The following CNTN5 variants were observed in gnomAD, a reference collection of about 807,000 sequenced individuals.
CNTN5 encodes the protein contactin-5.
A neutral mutation model predicts 129.1 loss-of-function variants in CNTN5; 77 were observed. The ratio of observed to expected loss-of-function variants is 0.60; its 90% CI spans 0.50 to 0.72. The LOEUF is 0.72. Among genes scored for constraint, CNTN5 ranks in the 30% least tolerant of loss-of-function variants. The pLI, the probability that CNTN5 is intolerant of heterozygous loss-of-function variation, is 0.00. For missense variants in CNTN5, 1,478 were observed against 1,328.8 expected (o/e 1.11, Z -1.75); for synonymous variants, 509 against 465.6 (o/e 1.09, Z -1.20).
At chr11:99,108,055 T>C (rs979354065) in intron 1 of CNTN5, among the ~76,000 whole-genome samples, 5 of 152,096 alleles carry the variant, frequency 3.3e-5, no homozygotes, top group African/African-American at 1.2e-4. Flanking sequence ...GTATTCCTTT[T>C]TAGTAAGCTT....
At chr11:99,285,800 G>T (rs1214730324) in intron 1 of CNTN5, among the ~76,000 whole-genome samples, 1 of 152,022 alleles carries the variant, frequency 6.6e-6, no homozygotes, top group Non-Finnish European at 1.5e-5. Context: ...CACTTTGGGA[G>T]GCCAATGCAG....
chr11:100,102,617 TAAAA>T (rs1384176264), intron 13 of CNTN5, among the ~76,000 whole-genome samples: 1 of 151,970 alleles, frequency 6.6e-6, no homozygotes, highest in East Asian at 1.9e-4. Context: ...CAAAAACTGA[TAAAA>T]GAATAATTTA....
chr11:99,089,074 ATAT>A (rs1183921000), intron 1 of CNTN5, among the ~76,000 whole-genome samples: 2 of 152,160 alleles, frequency 1.3e-5, no homozygotes, highest in African/African-American at 4.8e-5. Flanking sequence ...TAAACTGATA[ATAT>A]TAGTGTATAA....
chr11:99,459,246 T>C (rs1944602711), intron 2 of CNTN5, among the ~76,000 whole-genome samples: 1 of 151,928 alleles, frequency 6.6e-6, no homozygotes, highest in South Asian at 2.1e-4. Context: ...TTGAGGACTA[T>C]GAAGGACATA....
chr11:99,247,172 A>G (rs1001011534), intron 1 of CNTN5, among the ~76,000 whole-genome samples: 17 of 152,268 alleles, frequency 1.1e-4, no homozygotes, highest in African/African-American at 3.8e-4. Flanking sequence ...AGCATTGACT[A>G]TTACAATGAA....
At chr11:99,916,204 C>T in intron 7 of CNTN5, 55 bp downstream of exon 7, 1 of 1,394,122 alleles carries the variant, frequency 7.2e-7, no homozygotes, top group Non-Finnish European at 1.0e-6. Flanking sequence ...GCTATGTGTT[C>T]ATTCTTTTAG....
At chr11:99,625,885 A>G (rs1466129238) in intron 3 of CNTN5, among the ~76,000 whole-genome samples, 2 of 149,664 alleles carry the variant, frequency 1.3e-5, no homozygotes, top group Non-Finnish European at 1.5e-5. Context: ...TCATGAGCTC[A>G]TGATAAGGGC....
At chr11:100,236,534 C>T (rs1949617170) in intron 16 of CNTN5, among the ~76,000 whole-genome samples, 1 of 152,120 alleles carries the variant, frequency 6.6e-6, no homozygotes, top group South Asian at 2.1e-4. Context: ...TGGGGCATTC[C>T]TGCTTCACAT....
At chr11:99,180,901 C>A (rs1858022163) in intron 1 of CNTN5, among the ~76,000 whole-genome samples, 1 of 152,168 alleles carries the variant, frequency 6.6e-6, no homozygotes. Flanking sequence ...AATCACAAAC[C>A]CCTCCTTGGG....
chr11:99,196,662 G>T (rs566702050), intron 1 of CNTN5, among the ~76,000 whole-genome samples: 1 of 151,316 alleles, frequency 6.6e-6, no homozygotes, highest in South Asian at 2.1e-4. Context: ...ACTTTCCTTT[G>T]TGCCTCACAT....
intron 17 of CNTN5, among the ~76,000 whole-genome samples, chr11:100,257,062 C>T (rs1215391681): frequency 3.9e-5 from 6 of 152,136 alleles, no homozygotes; most frequent in Admixed American, 6.5e-5. Context: ...AAATTCTCAA[C>T]AGTCTGAAGT....
In CNTN5 at chr11:99,646,453, A is replaced by G. The variant is rs147175482; in HGVS notation, c.55+90184A>G. Among the ~76,000 whole-genome samples, 274 of 152,304 alleles carry G rather than the reference A, an allele frequency of 1.8e-3. 1 individual carries two copies. The highest frequency in any genetic ancestry group is 0.014 in the Middle Eastern group (4 of 292). On this transcript the variant is annotated intron_variant, in intron 3 of 24. Transcript: ENST00000524871. ...GCTTTTTTCTACAATCTATCAGAAT[A>G]TTCAATGTAAGGGCCAACCAAAAGG...
chr11:99,207,201 T>A (rs1841615), intron 1 of CNTN5, among the ~76,000 whole-genome samples: 1 of 151,868 alleles, frequency 6.6e-6, no homozygotes, highest in Non-Finnish European at 1.5e-5. Flanking sequence ...AATGTGAATT[T>A]AATAATGTTA....
At chr11:99,046,654 A>G (rs1009786649) in intron 1 of CNTN5, among the ~76,000 whole-genome samples, 1 of 152,034 alleles carries the variant, frequency 6.6e-6, no homozygotes, top group Non-Finnish European at 1.5e-5. Context: ...GTTTTTGTTT[A>G]TTTATTTTAG....
intron 4 of CNTN5, among the ~76,000 whole-genome samples, chr11:99,821,498 ACT>A (rs1946800106): frequency 6.6e-6 from 1 of 152,014 alleles, no homozygotes; most frequent in Non-Finnish European, 1.5e-5. Flanking sequence ...TAAAAGCACA[ACT>A]CTCTGACACT....
chr11:99,691,817 C>T (rs1410657241), intron 3 of CNTN5, among the ~76,000 whole-genome samples: 1 of 151,976 alleles, frequency 6.6e-6, no homozygotes, highest in Admixed American at 6.6e-5. Flanking sequence ...TTTTCTGTCT[C>T]GATGATCTGT....
chr11:99,240,021 T>C (rs1861470193), intron 1 of CNTN5, among the ~76,000 whole-genome samples: 1 of 152,214 alleles, frequency 6.6e-6, no homozygotes, highest in African/African-American at 2.4e-5. Flanking sequence ...ATTGTTTAAG[T>C]AGCCCTTGTT....
intron 2 of CNTN5, among the ~76,000 whole-genome samples, chr11:99,530,759 C>A (rs1179898308): frequency 6.6e-6 from 1 of 152,120 alleles, no homozygotes; most frequent in African/African-American, 2.4e-5. Flanking sequence ...ATAGGTTTAT[C>A]AGGTGTTTCC....
At chr11:99,534,960 A>C (rs11220340) in intron 2 of CNTN5, among the ~76,000 whole-genome samples, 37,664 of 151,966 alleles carry the variant, frequency 0.25, 5,119 homozygotes, top group Non-Finnish European at 0.31. Context: ...AACTGAAAGA[A>C]GGCTAGTGGA....
Sources: allele counts gnomAD v4.1 joint callset (sites outside exome capture counted in the v4.1 genomes callset), GRCh38; gene constraint gnomAD v4.1.1; transcripts MANE v1.5; gene names NCBI Gene and HGNC (gene_info 2026-07-23, HGNC 2026-07-21).